Variants in GRIP1 observed in about 807,000 individuals in gnomAD.
GRIP1 encodes the protein glutamate receptor-interacting protein 1.
In GRIP1, 45 loss-of-function variants were observed where a neutral mutation model predicts 129.9. The ratio of observed to expected loss-of-function variants is 0.35; its 90% CI spans 0.27 to 0.44. The LOEUF is 0.44. Ranked by LOEUF, GRIP1 falls within the 20% of genes least tolerant of loss-of-function variation. The probability of loss-of-function intolerance (pLI) is 1.00; values close to 1 mark genes in which losing one functional copy is unlikely to be tolerated. For missense variants in GRIP1, 1,196 were observed against 1,396.8 expected (o/e 0.86, Z 2.29); for synonymous variants, 530 against 520.8 (o/e 1.02, Z -0.24).
intron 1 of GRIP1, among the ~76,000 whole-genome samples, chr12:66,612,885 C>T (rs1444751703): frequency 1.3e-5 from 2 of 152,004 alleles, no homozygotes; most frequent in Non-Finnish European, 2.9e-5. Flanking sequence ...AAAACTCATG[C>T]AAATGAAGAT....
At chr12:66,434,376 GT>G (rs2058239934) in intron 13 of GRIP1, among the ~76,000 whole-genome samples, 1 of 152,158 alleles carries the variant, frequency 6.6e-6, no homozygotes, top group African/African-American at 2.4e-5. Context: ...CACGGACTGA[GT>G]TAACACCTTT....
intron 1 of GRIP1, among the ~76,000 whole-genome samples, chr12:66,898,937 T>C (rs1307829457): frequency 1.3e-5 from 2 of 152,138 alleles, no homozygotes; most frequent in African/African-American, 4.8e-5. Context: ...ATCCTGGCAG[T>C]AGCAAGAAGA....
At chr12:66,776,157 C>T (rs1039000988) in intron 1 of GRIP1, among the ~76,000 whole-genome samples, 2 of 152,122 alleles carry the variant, frequency 1.3e-5, no homozygotes, top group Non-Finnish European at 2.9e-5. Context: ...AGGCTACAGG[C>T]CAGAAATTGC....
At chr12:66,461,647 T>C (rs1411735544) in intron 9 of GRIP1, among the ~76,000 whole-genome samples, 1 of 152,208 alleles carries the variant, frequency 6.6e-6, no homozygotes, top group Non-Finnish European at 1.5e-5. Flanking sequence ...AGATTTTCAT[T>C]AGCTTCAGGG....
intron 2 of GRIP1, among the ~76,000 whole-genome samples, chr12:66,576,145 A>T (rs982910090): frequency 2.6e-5 from 4 of 152,212 alleles, no homozygotes; most frequent in African/African-American, 9.7e-5. Flanking sequence ...ACCACTGAAG[A>T]ATAAGGAAGG....
rs1566062823 is a variant in GRIP1, at chr12:66,880,231, C to T, written c.58+188819G>A. On this transcript the variant is annotated intron_variant, in intron 1 of 1. Coordinates refer to the GRIP1 transcript ENST00000643019. ...AGAACTGAGTGCACAAAGGAAGGAG[C>T]AGATGGAGCCCAAGAACCTCACTAG... is the stretch of plus-strand genomic sequence containing the variant. Among the ~76,000 whole-genome samples, 3 of 152,004 alleles carry T rather than the reference C, an allele frequency of 2.0e-5. No homozygotes were observed. In the South Asian group the frequency reaches 6.2e-4, roughly 32 times the overall value.
intron 1 of GRIP1, among the ~76,000 whole-genome samples, chr12:67,003,513 G>C (rs1336252436): frequency 6.6e-6 from 1 of 151,920 alleles, no homozygotes; most frequent in East Asian, 1.9e-4. Flanking sequence ...GCAACGTGGT[G>C]AAATCCCATC....
At position 66,664,141 on chromosome 12, in the gene GRIP1, G is replaced by T. The variant is rs551923623; in HGVS notation, c.55+14709C>A. 2.0e-5 allele frequency among the ~76,000 whole-genome samples: 3 copies of T among 151,286 alleles called. No individual in the cohort carries two copies. In the East Asian group the frequency reaches 5.8e-4, roughly 29 times the overall value. On this transcript the variant is annotated intron_variant, in intron 1 of 24. Transcript: ENST00000359742. ...TTGCATTTCCAAGACAATTTAACTC[G>T]AACCCATTTCTGATGGAGTAACTAT...
chr12:66,974,637 C>T (rs2042125848), intron 1 of GRIP1, among the ~76,000 whole-genome samples: 1 of 152,150 alleles, frequency 6.6e-6, no homozygotes. Flanking sequence ...ATAAAACGCT[C>T]ATTATAAAAA....
At chr12:66,772,663 G>A (rs1270460266) in intron 1 of GRIP1, among the ~76,000 whole-genome samples, 1 of 152,148 alleles carries the variant, frequency 6.6e-6, no homozygotes, top group Non-Finnish European at 1.5e-5. Flanking sequence ...TGGGTTCATT[G>A]GTGTGTGTTA....
intron 9 of GRIP1, among the ~76,000 whole-genome samples, chr12:66,462,629 C>T (rs2059165448): frequency 6.6e-6 from 1 of 151,826 alleles, no homozygotes; most frequent in African/African-American, 2.4e-5. Flanking sequence ...TGGTGAAACC[C>T]TGTCTCTATT....
intron 2 of GRIP1, among the ~76,000 whole-genome samples, chr12:66,556,825 A>G (rs1431276931): frequency 6.6e-6 from 1 of 152,098 alleles, no homozygotes; most frequent in African/African-American, 2.4e-5. Context: ...AACATACAAC[A>G]GATACATAAA....
rs1161429562 is a variant in GRIP1, at chr12:66,349,013, G to A, written c.*6C>T. On this transcript the variant is annotated 3_prime_UTR_variant, in exon 25 of 25. Coordinates refer to ENST00000359742, the MANE Select transcript of GRIP1 (RefSeq NM_001366722.1). ...TGTCTTTTGTCCTGCTTTATAAAAA[G>A]CGTTGCTATAATGTATTAGTGGGTT... 1 of 1,574,578 alleles carries A rather than the reference G, an allele frequency of 6.4e-7. No homozygotes were observed. Among genetic ancestry groups the A allele is most frequent in the South Asian group, 1.1e-5 (1 of 90,244 alleles).
At chr12:66,418,571 T>C (rs1052862916) in intron 15 of GRIP1, among the ~76,000 whole-genome samples, 4 of 152,018 alleles carry the variant, frequency 2.6e-5, no homozygotes, top group Non-Finnish European at 5.9e-5. Context: ...AGAATATACA[T>C]GGAGCTCAAA....
chr12:66,739,765 G>A (rs2036729966), intron 1 of GRIP1, among the ~76,000 whole-genome samples: 1 of 151,120 alleles, frequency 6.6e-6, no homozygotes, highest in Non-Finnish European at 1.5e-5. Context: ...AAAAAAACCA[G>A]TCCTCCATCC....
intron 1 of GRIP1, among the ~76,000 whole-genome samples, chr12:67,036,953 G>A (rs1427407948): frequency 2.6e-5 from 4 of 151,928 alleles, no homozygotes; most frequent in Admixed American, 6.6e-5. Flanking sequence ...TGAAAAACCC[G>A]TGTGAGTCTC....
At chr12:66,613,828 A>G (rs1013383561) in intron 1 of GRIP1, among the ~76,000 whole-genome samples, 4 of 152,194 alleles carry the variant, frequency 2.6e-5, no homozygotes, top group Non-Finnish European at 5.9e-5. Context: ...AGGATGAAAT[A>G]AAATGCTTTT....
intron 2 of GRIP1, among the ~76,000 whole-genome samples, chr12:66,569,472 G>A (rs1443980949): frequency 6.7e-6 from 1 of 149,126 alleles, no homozygotes; most frequent in East Asian, 1.9e-4. Context: ...GTGAGACTTC[G>A]TCTGAAAAAA....
chr12:66,737,414 G>A (rs1326008263), intron 1 of GRIP1, among the ~76,000 whole-genome samples: 1 of 152,104 alleles, frequency 6.6e-6, no homozygotes, highest in Non-Finnish European at 1.5e-5. Context: ...CTCCTGAGTA[G>A]CTGGAATTAC....
Sources: allele counts gnomAD v4.1 joint callset (sites outside exome capture counted in the v4.1 genomes callset), GRCh38; gene constraint gnomAD v4.1.1; transcripts MANE v1.5; gene names NCBI Gene and HGNC (gene_info 2026-07-23, HGNC 2026-07-21).